The following GRM4 variants were observed in gnomAD, a reference collection of about 807,000 sequenced individuals.
GRM4 encodes glutamate metabotropic receptor 4.
Under a neutral mutation model 81.7 loss-of-function variants are expected in GRM4, and 28 were observed. The ratio of observed to expected loss-of-function variants is 0.34; its 90% CI spans 0.25 to 0.47. GRM4 has a LOEUF of 0.47. GRM4 is among the 20% of genes least tolerant of loss of function. The pLI is 1.00. For missense variants in GRM4, 948 were observed against 1,290.0 expected (o/e 0.73, Z 4.06); for synonymous variants, 488 against 528.8 (o/e 0.92, Z 1.06).
intron 2 of GRM4, among the ~76,000 whole-genome samples, chr6:34,099,781 G>A (rs1478384576): frequency 6.6e-6 from 1 of 152,196 alleles, no homozygotes; most frequent in Non-Finnish European, 1.5e-5. Context: ...AGGGGACTGT[G>A]TGGGCACAAC....
intron 2 of GRM4, among the ~76,000 whole-genome samples, chr6:34,109,022 C>CGG (rs1190043187): frequency 7.9e-5 from 12 of 152,186 alleles, no homozygotes; most frequent in African/African-American, 2.9e-4. Flanking sequence ...AATTATCACC[C>CGG]GCCACTCGGG....
Position 34,089,968 on chromosome 6 carries a change from GA to G in GRM4, c.736+1914del, listed in dbSNP as rs1230306272. On this transcript the variant is annotated intron_variant, in intron 3 of 10. Transcript: ENST00000538487. This position sits in a 1 kb window ranked among gnomAD's most constrained non-coding sequence, Gnocchi z 4.3. ...AGAAGACAAGAGTACAGAAACAGAT[GA>G]GACCTCTAGTTCCGGAGCCAGCCAT... Among the ~76,000 whole-genome samples the G allele has an allele frequency of 2.0e-5, 3 of 152,176 alleles. No homozygotes were observed. Among genetic ancestry groups the G allele is most frequent in the Non-Finnish European group, 4.4e-5 (3 of 68,038 alleles).
intron 9 of GRM4, among the ~76,000 whole-genome samples, chr6:34,031,974 C>T (rs994788722): frequency 4.6e-5 from 7 of 151,976 alleles, no homozygotes; most frequent in Non-Finnish European, 1.0e-4. Flanking sequence ...CTCTCTCACA[C>T]ACACACAAAC....
rs1232643449 is a variant in GRM4 at position 34,111,692 on chromosome 6, G to A, written c.520-19593C>T. 6.6e-6 allele frequency among the ~76,000 whole-genome samples: 1 copy of A among 152,224 alleles called. No individual in the cohort carries two copies. The highest frequency in any genetic ancestry group is 2.4e-5 in the African/African-American group (1 of 41,448). The stretch of plus-strand genomic sequence containing the variant: ...GGCAAGAGCTGATGGGCTGGGTGGG[G>A]GTCAGAATGGGCAGCAGCCAGGTGG... On this transcript the variant is annotated intron_variant, in intron 2 of 10. Coordinates refer to ENST00000538487, the MANE Select transcript of GRM4 (RefSeq NM_000841.4). The surrounding 1 kb of genome is among the most constrained non-coding windows in gnomAD (Gnocchi z 5.1).
At position 34,139,920 on chromosome 6, in the gene GRM4, G is replaced by A. The variant is rs79635713; in HGVS notation, c.-363-6061C>T. ...CTGTGCACCAGCCTCTGCTCTGGGTGGGCGCTGGGGAAACACTGGGAGTGA... is the reference window on the plus strand; with the variant it reads ...CTGTGCACCAGCCTCTGCTCTGGGTAGGCGCTGGGGAAACACTGGGAGTGA... On this transcript the variant is annotated intron_variant, in intron 1 of 10. Coordinates refer to ENST00000538487, the MANE Select transcript of GRM4 (RefSeq NM_000841.4). Among the ~76,000 whole-genome samples, 1,108 of 152,330 alleles carry A rather than the reference G, an allele frequency of 7.3e-3. 13 individuals carry two copies. The highest frequency in any genetic ancestry group is 0.025 in the African/African-American group (1,033 of 41,560).
In GRM4 at chr6:34,035,580, C is replaced by G; in HGVS notation, c.2442+88G>C. The G allele has an allele frequency of 3.1e-6, 2 of 655,338 alleles. No individual in the cohort carries two copies. Among genetic ancestry groups the G allele is most frequent in the East Asian group, 3.0e-5 (1 of 33,114 alleles). The allele number at this position is 655,338 out of a possible 1,614,324, so 40.6% of individuals were successfully genotyped here. A position where few individuals can be genotyped will look rare whatever the true frequency, so the allele number is the denominator to read the frequency against. On this transcript the variant is annotated intron_variant, in intron 9 of 10. Coordinates refer to ENST00000538487, the MANE Select transcript of GRM4 (RefSeq NM_000841.4). This position sits in a 1 kb window ranked among gnomAD's most constrained non-coding sequence, Gnocchi z 6.6. ...GGCATGAAAGAAGGCATTTCTGGAG[C>G]AGGGGGGAGGCCAGCCAGCCTCAGG...
intron 6 of GRM4, among the ~76,000 whole-genome samples, chr6:34,044,119 GAC>G (rs71678350): frequency 0.35 from 48,165 of 139,208 alleles, 9,587 homozygotes; most frequent in African/African-American, 0.58. Flanking sequence ...TATATACACA[GAC>G]ACACACACAC....
At position 34,134,754 on chromosome 6, in the gene GRM4, G is replaced by A. The variant is rs115561794; in HGVS notation, c.-363-895C>T. Reference sequence around the variant, plus strand: ...ACCCCCACTTCCTCCCTCTGAGAGCGGGGCTCGGGTTATGGCCTGAGCTAC... The same window carrying A: ...ACCCCCACTTCCTCCCTCTGAGAGCAGGGCTCGGGTTATGGCCTGAGCTAC... On this transcript the variant is annotated intron_variant, in intron 1 of 10. Coordinates refer to ENST00000538487, the MANE Select transcript of GRM4 (RefSeq NM_000841.4). Among the ~76,000 whole-genome samples, 153 of 151,196 alleles carry A rather than the reference G, an allele frequency of 1.0e-3. 1 individual carries two copies. Among genetic ancestry groups the A allele is most frequent in the African/African-American group, 3.4e-3 (141 of 41,178 alleles).
At chr6:34,140,024 T>A (rs1025151007) in intron 1 of GRM4, among the ~76,000 whole-genome samples, 1 of 151,484 alleles carries the variant, frequency 6.6e-6, no homozygotes, top group African/African-American at 2.4e-5. Context: ...TACCTGAACA[T>A]ATAGATGGCT....
intron 6 of GRM4, among the ~76,000 whole-genome samples, chr6:34,050,026 CCTTACAAA>C (rs1347989078): frequency 6.6e-6 from 1 of 152,180 alleles, no homozygotes; most frequent in Non-Finnish European, 1.5e-5. Flanking sequence ...AAAACTAAAT[CCTTACAAA>C]CTGCCCACAA....
intron 3 of GRM4, among the ~76,000 whole-genome samples, chr6:34,091,067 C>A (rs1434483977): frequency 6.6e-6 from 1 of 152,202 alleles, no homozygotes; most frequent in East Asian, 1.9e-4. Context: ...GTGGAGGCCC[C>A]CAGCCTAGGG....
rs1562012195 is a variant in GRM4 at position 34,035,537 on chromosome 6, A to AAAGAAGGCAGAATGAGGCAG, written c.2442+130_2442+131insCTGCCTCATTCTGCCTTCTT. ...GCATGAAAGAAGGCAGAATGAGGCAAGAAAGAAGGCAGAATGAGGCATGAA... is the reference window on the plus strand; with the variant it reads ...GCATGAAAGAAGGCAGAATGAGGCAAAAGAAGGCAGAATGAGGCAGGAAAGAAGGCAGAATGAGGCATGAA... On this transcript the variant is annotated intron_variant, in intron 9 of 10. Transcript: ENST00000538487. The surrounding 1 kb of genome is among the most constrained non-coding windows in gnomAD (Gnocchi z 6.6). 3 of 588,130 alleles carry AAAGAAGGCAGAATGAGGCAG rather than the reference A, an allele frequency of 5.1e-6. No homozygotes were observed. The highest frequency in any genetic ancestry group is 2.0e-5 in the African/African-American group (1 of 50,634). 36.4% of individuals were successfully genotyped at this position (588,130 alleles called of 1,614,324 possible). A position where few individuals can be genotyped will look rare whatever the true frequency, so the allele number is the denominator to read the frequency against.
chr6:34,097,577 G>A (rs548291889), intron 2 of GRM4, among the ~76,000 whole-genome samples: 1 of 152,338 alleles, frequency 6.6e-6, no homozygotes, highest in East Asian at 1.9e-4. Context: ...CTAGCACACG[G>A]GTGGTGACCC....
At chr6:34,109,143 C>G (rs891253029) in intron 2 of GRM4, among the ~76,000 whole-genome samples, 21 of 152,186 alleles carry the variant, frequency 1.4e-4, no homozygotes, top group Non-Finnish European at 2.9e-4. Context: ...GCTGCCTGGC[C>G]TCCCTCCTCC....
At chr6:34,110,360 T>C (rs552759297) in intron 2 of GRM4, among the ~76,000 whole-genome samples, 18 of 144,154 alleles carry the variant, frequency 1.2e-4, no homozygotes, top group Middle Eastern at 3.7e-3. Context: ...CCTCCCCACG[T>C]TGAAGGAAAG....
intron 2 of GRM4, among the ~76,000 whole-genome samples, chr6:34,132,481 T>C (rs966215743): frequency 6.6e-6 from 1 of 152,240 alleles, no homozygotes; most frequent in Non-Finnish European, 1.5e-5. Context: ...TGCAATTATA[T>C]GAAAACAGTG....
chr6:34,038,688 C>CT (rs1011670299), intron 8 of GRM4, among the ~76,000 whole-genome samples: 3 of 151,498 alleles, frequency 2.0e-5, no homozygotes, highest in African/African-American at 7.3e-5. Context: ...TCACCTCCCC[C>CT]CACCACCTCA....
intron 6 of GRM4, among the ~76,000 whole-genome samples, chr6:34,044,024 A>G (rs1765137731): frequency 6.6e-6 from 1 of 151,940 alleles, no homozygotes; most frequent in African/African-American, 2.4e-5. Flanking sequence ...GATGCCCACC[A>G]CACACATACA....
intron 3 of GRM4, among the ~76,000 whole-genome samples, chr6:34,067,410 C>CTCCCTCCCTCCGTCCT: frequency 1.5e-5 from 2 of 135,072 alleles, no homozygotes; most frequent in Non-Finnish European, 3.2e-5. Flanking sequence ...CCGTCCTTCC[C>CTCCCTCCCTCCGTCCT]TCCCTCCCTC....
Sources: gnomAD v4.1 joint callset for allele counts (sites outside exome capture counted in the v4.1 genomes callset) on GRCh38, gnomAD v4.1.1 for gene constraint, Gnocchi (gnomAD v3.1) non-coding constraint, MANE v1.5 for transcripts, NCBI Gene and HGNC (gene_info 2026-07-23, HGNC 2026-07-21) for gene names.